Variants in PLCH1 observed in about 807,000 individuals in gnomAD.
PLCH1 encodes the protein phospholipase C eta 1.
PLCH1 carries 60 observed loss-of-function variants against 126.7 expected under a neutral mutation model. The observed-to-expected ratio is 0.47, with a 90% CI of 0.38 to 0.59. The LOEUF is 0.59. Among genes scored for constraint, PLCH1 ranks in the 20% least tolerant of loss-of-function variants. PLCH1 has a pLI of 0.00. For synonymous variants in PLCH1, 719 were observed against 734.9 expected, an observed-to-expected ratio of 0.98 and a Z score of 0.35; for missense variants, 1,723 against 2,040.0, an observed-to-expected ratio of 0.84 and a Z score of 2.99.
intron 8 of PLCH1, among the ~76,000 whole-genome samples, chr3:155,555,468 C>T (rs1726703642): frequency 6.6e-6 from 1 of 152,210 alleles, no homozygotes. Context: ...AAAGACAAAA[C>T]TGCTTGAGAG....
intron 2 of PLCH1, among the ~76,000 whole-genome samples, chr3:155,616,504 G>GA (rs1735820213): frequency 6.6e-6 from 1 of 152,156 alleles, no homozygotes; most frequent in Admixed American, 6.5e-5. Context: ...CTCTTTAACA[G>GA]AAAATTGTAA....
intron 15 of PLCH1, among the ~76,000 whole-genome samples, chr3:155,496,549 G>A (rs1717065138): frequency 6.6e-6 from 1 of 152,146 alleles, no homozygotes; most frequent in Non-Finnish European, 1.5e-5. Context: ...GAAGAATCCT[G>A]GAGGTTTGTG....
rs149432086 is a variant in PLCH1, at chr3:155,540,492, T to C, written c.1362+9295A>G. 9.6e-3 allele frequency among the ~76,000 whole-genome samples: 1,456 copies of C among 152,236 alleles called. 13 individuals carry two copies. Among genetic ancestry groups the C allele is most frequent in the African/African-American group, 0.034 (1,399 of 41,532 alleles). ...GGAGAGAATCTTCACAAACTATGTA[T>C]CTGACAAAGGACTAATATCTACAAT... On this transcript the variant is annotated intron_variant, in intron 10 of 22. Transcript: ENST00000460012.
At chr3:155,547,548 C>A in intron 10 of PLCH1, among the ~76,000 whole-genome samples, 2 of 151,512 alleles carry the variant, frequency 1.3e-5, no homozygotes, top group South Asian at 2.1e-4. Flanking sequence ...GGGTATATAC[C>A]CAAACGACTA....
chr3:155,548,945 G>T (rs1288063809), intron 10 of PLCH1, among the ~76,000 whole-genome samples: 2 of 152,208 alleles, frequency 1.3e-5, no homozygotes, highest in African/African-American at 2.4e-5. Flanking sequence ...TTGCCTCCTT[G>T]ACTTTCCTGC....
intron 9 of PLCH1, among the ~76,000 whole-genome samples, chr3:155,550,519 A>G (rs1725965704): frequency 6.6e-6 from 1 of 152,210 alleles, no homozygotes; most frequent in African/African-American, 2.4e-5. Context: ...AGTCTTTGTC[A>G]AAAAATAAAA....
At chr3:155,672,123 G>A (rs557688602) in intron 2 of PLCH1, among the ~76,000 whole-genome samples, 125 of 152,186 alleles carry the variant, frequency 8.2e-4, no homozygotes, top group African/African-American at 2.3e-3. Flanking sequence ...AAGAGAAAAC[G>A]TAAAATATGA....
chr3:155,601,927 G>A (rs1733791394), intron 2 of PLCH1, among the ~76,000 whole-genome samples: 1 of 152,058 alleles, frequency 6.6e-6, no homozygotes, highest in African/African-American at 2.4e-5. Context: ...GATAGTTCAT[G>A]TAAATAAAAT....
chr3:155,708,264 GGA>G (rs1303366224), intron 1 of PLCH1, among the ~76,000 whole-genome samples: 1 of 152,184 alleles, frequency 6.6e-6, no homozygotes, highest in East Asian at 1.9e-4. Flanking sequence ...TAATGGAGGT[GGA>G]GATAATAAAT....
intron 21 of PLCH1, among the ~76,000 whole-genome samples, chr3:155,455,794 C>A (rs1233672633): frequency 6.6e-6 from 1 of 152,166 alleles, no homozygotes; most frequent in East Asian, 1.9e-4. Flanking sequence ...GTTTTTAAAC[C>A]CATAGGCTAT....
intron 5 of PLCH1, among the ~76,000 whole-genome samples, chr3:155,585,620 C>G (rs1425712436): frequency 2.0e-5 from 3 of 152,142 alleles, no homozygotes; most frequent in Non-Finnish European, 4.4e-5. Context: ...CCCTAAATGG[C>G]AGGAGTGAAT....
chr3:155,528,923 C>T (rs935584066), intron 10 of PLCH1, among the ~76,000 whole-genome samples: 5 of 152,156 alleles, frequency 3.3e-5, no homozygotes, highest in African/African-American at 1.2e-4. Flanking sequence ...ATTATCAGAG[C>T]CCTATTTTTG....
rs543235217 is a variant in PLCH1 at position 155,501,529 on chromosome 3, G to A, written c.1705-735C>T. On this transcript the variant is annotated intron_variant, in intron 13 of 22. Coordinates refer to ENST00000460012, the MANE Select transcript of PLCH1 (RefSeq NM_014996.4). ...AATGATGGGCCGGGCGTGGTGGCTC[G>A]CGCCTGTAATCCCAGCACTTTGGGG... 6.8e-4 allele frequency among the ~76,000 whole-genome samples: 104 copies of A among 152,094 alleles called. No individual in the cohort carries two copies. In the East Asian group the frequency reaches 9.9e-3, roughly 14 times the overall value.
At chr3:155,467,698 T>A (rs1453584246) in intron 21 of PLCH1, among the ~76,000 whole-genome samples, 25 of 152,106 alleles carry the variant, frequency 1.6e-4, no homozygotes, top group Non-Finnish European at 1.0e-4. Context: ...GCATGACATA[T>A]TTAAAGTGCT....
At position 155,482,530 on chromosome 3, in the gene PLCH1, C is replaced by T; in HGVS notation, c.3496G>A (p.Glu1166Lys). The change falls in exon 23 of 23, where the codon GAG becomes AAG. Residue 1166 changes from glutamate (E) to lysine (K), a missense_variant. Glu to Lys is a moderately conservative substitution (Grantham distance 56). Coordinates refer to ENST00000460012, the MANE Select transcript of PLCH1 (RefSeq NM_014996.4). ...PDLHSTAILQ[E>K]SVISHLIDNV... The stretch of plus-strand genomic sequence containing the variant: ...TCAATAAGATGGGAAATTACACTCT[C>T]CTGCAGAATTGCAGTTGAATGTAGG... The T allele has an allele frequency of 6.2e-7, 1 of 1,614,132 alleles. No homozygotes were observed. Among genetic ancestry groups the T allele is most frequent in the South Asian group, 1.1e-5 (1 of 91,068 alleles).
At chr3:155,680,973 G>GA (rs566490587) in intron 2 of PLCH1, among the ~76,000 whole-genome samples, 35 of 151,522 alleles carry the variant, frequency 2.3e-4, no homozygotes, top group Non-Finnish European at 4.7e-4. Context: ...CTAATTAAAG[G>GA]AAAAAAGGAG....
At position 155,710,999 on chromosome 3, in the gene PLCH1, GATA is replaced by G. The variant is rs1352392727; in HGVS notation, c.-40-6738_-40-6736del. 2.9e-5 allele frequency among the ~76,000 whole-genome samples: 4 copies of G among 135,978 alleles called. No homozygotes were observed. In the East Asian group the frequency reaches 8.5e-4, roughly 29 times the overall value. 89.2% of individuals were successfully genotyped at this position (135,978 alleles called of 152,430 possible). On this transcript the variant is annotated intron_variant, in intron 1 of 22. Transcript: ENST00000460012. ...TTTTTTTTTTTTTTAACACAAATTA[GATA>G]TTATAAGTCTACTTCTTTTGCTTAA...
chr3:155,737,978 T>C (rs1749321828), intron 1 of PLCH1, among the ~76,000 whole-genome samples: 2 of 152,132 alleles, frequency 1.3e-5, no homozygotes, highest in South Asian at 2.1e-4. Context: ...AAGAGAAACC[T>C]TGAGTGCCTT....
chr3:155,667,198 T>C (rs1742823933), intron 2 of PLCH1, among the ~76,000 whole-genome samples: 1 of 152,186 alleles, frequency 6.6e-6, no homozygotes, highest in Non-Finnish European at 1.5e-5. Context: ...AACTTTCGCT[T>C]GTCTTTTGCT....
Sources: allele counts gnomAD v4.1 joint callset (sites outside exome capture counted in the v4.1 genomes callset), GRCh38; gene constraint gnomAD v4.1.1; transcripts MANE v1.5; gene names NCBI Gene and HGNC (gene_info 2026-07-23, HGNC 2026-07-21).